The following TNS1 variants were observed in gnomAD, a reference collection of about 807,000 sequenced individuals.
The protein encoded by TNS1 is tensin-1.
In TNS1, 62 loss-of-function variants were observed where a neutral mutation model predicts 168.6. That is an observed-to-expected ratio of 0.37 (90% CI 0.30 to 0.45). The LOEUF (loss-of-function observed/expected upper bound fraction) is 0.45. Ranked by LOEUF, TNS1 falls within the 20% of genes least tolerant of loss-of-function variation. The pLI, the probability that TNS1 is intolerant of heterozygous loss-of-function variation, is 1.00. For missense variants in TNS1, 2,240 were observed against 2,339.4 expected, an observed-to-expected ratio of 0.96 and a Z score of 0.88; for synonymous variants, 934 against 933.2, an observed-to-expected ratio of 1.00 and a Z score of -0.02.
chr2:217,955,733 T>C (rs1245097696), intron 3 of TNS1, among the ~76,000 whole-genome samples: 1 of 152,186 alleles, frequency 6.6e-6, no homozygotes, highest in African/African-American at 2.4e-5. Context: ...ACCCAGAATG[T>C]GAACCCAGGT....
chr2:217,856,150 T>G (rs1046519020), intron 18 of TNS1, among the ~76,000 whole-genome samples: 1 of 152,174 alleles, frequency 6.6e-6, no homozygotes, highest in Non-Finnish European at 1.5e-5. Flanking sequence ...ATGACTTGCA[T>G]GGAGAATGCC....
intron 1 of TNS1, among the ~76,000 whole-genome samples, chr2:218,031,104 GTA>G (rs1958890166): frequency 2.6e-5 from 3 of 114,728 alleles, no homozygotes; most frequent in Admixed American, 2.5e-4. Context: ...GTGTCTGTGT[GTA>G]TGAGTGTGTG....
At chr2:217,903,463 T>C in intron 6 of TNS1, 3 of 1,210,838 alleles carry the variant, frequency 2.5e-6, no homozygotes, top group Non-Finnish European at 3.3e-6. Context: ...TGTAATCCTA[T>C]TCTTTTCCTC....
At chr2:217,857,019 A>C (rs904492350) in intron 18 of TNS1, among the ~76,000 whole-genome samples, 1 of 152,164 alleles carries the variant, frequency 6.6e-6, no homozygotes, top group African/African-American at 2.4e-5. Context: ...AGTCCAAGAA[A>C]AAAAGAGGGA....
intron 12 of TNS1, among the ~76,000 whole-genome samples, chr2:217,887,546 G>A (rs181761747): frequency 2.0e-3 from 307 of 152,326 alleles, no homozygotes; most frequent in Non-Finnish European, 1.9e-4. Context: ...AACCTCAGGT[G>A]ATCAGCCCGC....
At chr2:217,806,030 C>T (rs1390289656) in intron 32 of TNS1, among the ~76,000 whole-genome samples, 2 of 152,188 alleles carry the variant, frequency 1.3e-5, no homozygotes, top group African/African-American at 4.8e-5. Context: ...CAGGGCATCC[C>T]CCAGCACCTC....
At chr2:217,894,610 TCACGC>T (rs1327077562) in intron 9 of TNS1, among the ~76,000 whole-genome samples, 1 of 151,954 alleles carries the variant, frequency 6.6e-6, no homozygotes, top group East Asian at 1.9e-4. Flanking sequence ...TGAGCTGAGA[TCACGC>T]CACTGCACTC....
intron 18 of TNS1, chr2:217,879,535 G>T: frequency 2.6e-6 from 1 of 387,104 alleles, no homozygotes; most frequent in South Asian, 1.8e-5. Context: ...AAGGGGTTGG[G>T]AACTGAGGCA....
intron 31 of TNS1, among the ~76,000 whole-genome samples, 189 bp from the exon 32 acceptor site, chr2:217,808,296 G>A (rs931220746): frequency 3.3e-5 from 5 of 151,348 alleles, no homozygotes; most frequent in Non-Finnish European, 2.9e-5. Context: ...ATTCAAGGTC[G>A]AGAGAACACT....
Position 217,880,753 on chromosome 2 carries a change from C to T in TNS1, c.1429+145G>A, listed in dbSNP as rs1482906096. 9.0e-6 allele frequency: 6 copies of T among 663,114 alleles called. No homozygotes were observed. Among genetic ancestry groups the T allele is most frequent in the East Asian group, 5.0e-5 (2 of 39,850 alleles). The allele number at this position is 663,114 out of a possible 1,614,324, so 41.1% of individuals were successfully genotyped here. Reference sequence around the variant, plus strand: ...ATGTGCCTTATCTTCCCCCAGTTAACGGTGAGCTCTCGGAGGTACCTCACA... The same window carrying T: ...ATGTGCCTTATCTTCCCCCAGTTAATGGTGAGCTCTCGGAGGTACCTCACA... On this transcript the variant is annotated intron_variant, in intron 18 of 32. Transcript: ENST00000682258. The surrounding 1 kb of genome is among the most constrained non-coding windows in gnomAD (Gnocchi z 4.2).
intron 22 of TNS1, chr2:217,829,992 G>A: frequency 6.6e-7 from 1 of 1,516,008 alleles, no homozygotes; most frequent in Non-Finnish European, 8.8e-7. Context: ...GATTAACAGG[G>A]ATTATTTCTT....
upstream of TNS1, among the ~76,000 whole-genome samples, chr2:218,003,745 G>A (rs553269182): frequency 3.9e-3 from 593 of 151,562 alleles, 3 homozygotes; most frequent in Non-Finnish European, 6.4e-3. Flanking sequence ...GACTGTACCC[G>A]GGGCCAACAT....
chr2:218,010,056 C>CGG (rs757204276), intron 1 of TNS1: 74 of 86,752 alleles, frequency 8.5e-4, no homozygotes, highest in African/African-American at 3.7e-3. Flanking sequence ...AGGGAGGGGG[C>CGG]GGGGGGGGGT....
chr2:217,855,611 C>A (rs1233496203), intron 18 of TNS1, among the ~76,000 whole-genome samples: 1 of 152,190 alleles, frequency 6.6e-6, no homozygotes, highest in East Asian at 1.9e-4. Context: ...CCAGACGGTG[C>A]CATCCACAAT....
At chr2:218,018,561 C>A (rs1958782041) in intron 1 of TNS1, among the ~76,000 whole-genome samples, 1 of 152,244 alleles carries the variant, frequency 6.6e-6, no homozygotes, top group Non-Finnish European at 1.5e-5. Context: ...TGCTCCCATG[C>A]CTCAGAGCCC....
chr2:217,916,668 G>A (rs1955045550), intron 4 of TNS1, among the ~76,000 whole-genome samples: 1 of 152,192 alleles, frequency 6.6e-6, no homozygotes, highest in African/African-American at 2.4e-5. Flanking sequence ...TGTTGAGTAA[G>A]ATGAAAACAT....
At chr2:217,978,297 T>C (rs1575153427) in intron 3 of TNS1, among the ~76,000 whole-genome samples, 1 of 152,316 alleles carries the variant, frequency 6.6e-6, no homozygotes, top group Middle Eastern at 3.4e-3. Flanking sequence ...ATTCTCCATT[T>C]ATCCCACCCA....
chr2:217,821,858 T>G lies in TNS1; in HGVS notation c.3454A>C (p.Ser1152Arg), dbSNP rs776760155. The stretch of plus-strand genomic sequence containing the variant: ...CCATAGGCCTGGGTGGCTGGAGCAC[T>G]AAAGCTCTTGGGCTCAGAGTCCTGA... ...RAQDSEPKSF[S>R]APATQAYGHE... The change falls in exon 23 of 33, where the codon AGT becomes CGT. Residue 1152 changes from serine (S) to arginine (R), a missense_variant. By Grantham distance (110) the Ser-to-Arg change is moderately radical. Transcript: ENST00000682258. 2 of 1,587,394 alleles carry G rather than the reference T, an allele frequency of 1.3e-6. No homozygotes were observed. The highest frequency in any genetic ancestry group is 2.3e-5 in the South Asian group (2 of 86,518).
At chr2:217,883,287 C>T (rs548318609) in intron 16 of TNS1, among the ~76,000 whole-genome samples, 5 of 152,106 alleles carry the variant, frequency 3.3e-5, no homozygotes, top group Non-Finnish European at 7.4e-5. Context: ...TTTTTAGAGA[C>T]CAGGTCTCAC....
Sources: allele counts gnomAD v4.1 joint callset (sites outside exome capture counted in the v4.1 genomes callset), GRCh38; gene constraint gnomAD v4.1.1; non-coding constraint Gnocchi (gnomAD v3.1); transcripts MANE v1.5; gene names NCBI Gene and HGNC (gene_info 2026-07-23, HGNC 2026-07-21).